Variants in TACR1 observed in about 807,000 individuals in gnomAD.
TACR1 encodes the protein substance-P receptor.
A neutral mutation model predicts 35.8 loss-of-function variants in TACR1; 25 were observed. That is an observed-to-expected ratio of 0.70 (90% CI 0.51 to 0.98). TACR1 has a LOEUF of 0.98. TACR1 is among the 50% of genes least tolerant of loss of function. The pLI, the probability that TACR1 is intolerant of heterozygous loss-of-function variation, is 0.00. For synonymous variants in TACR1, 195 were observed against 206.7 expected (o/e 0.94, Z 0.48); for missense variants, 478 against 522.9 (o/e 0.91, Z 0.84).
chr2:75,170,012 A>T (rs1230199328), intron 1 of TACR1, among the ~76,000 whole-genome samples: 1 of 152,006 alleles, frequency 6.6e-6, no homozygotes, highest in Non-Finnish European at 1.5e-5. Flanking sequence ...CCTTTCTCTT[A>T]GCCAGACCCT....
chr2:75,129,342 A>G (rs1674136781), intron 1 of TACR1, among the ~76,000 whole-genome samples: 1 of 152,342 alleles, frequency 6.6e-6, no homozygotes, highest in East Asian at 1.9e-4. Context: ...TTGTATTTTC[A>G]TCTTATGCAG....
intron 2 of TACR1, among the ~76,000 whole-genome samples, chr2:75,092,171 A>G (rs1182682769): frequency 6.6e-6 from 1 of 152,198 alleles, no homozygotes; most frequent in Non-Finnish European, 1.5e-5. Context: ...GAGGGTTTAT[A>G]TCACATACAC....
intron 1 of TACR1, among the ~76,000 whole-genome samples, chr2:75,169,754 A>G (rs1313316435): frequency 1.3e-5 from 2 of 152,192 alleles, no homozygotes; most frequent in African/African-American, 2.4e-5. Context: ...TTGTAATTTT[A>G]TGATAGCTAT....
intron 1 of TACR1, among the ~76,000 whole-genome samples, chr2:75,142,084 G>A (rs1050265424): frequency 6.6e-5 from 10 of 152,206 alleles, no homozygotes; most frequent in African/African-American, 2.4e-4. Flanking sequence ...CAGAGTTCAG[G>A]GTAGTTAATG....
At chr2:75,100,012 A>G (rs921599031) in intron 2 of TACR1, among the ~76,000 whole-genome samples, 7 of 152,086 alleles carry the variant, frequency 4.6e-5, no homozygotes, top group Non-Finnish European at 5.9e-5. Flanking sequence ...GTGATCCTAC[A>G]ATACTCTTTA....
rs550291442 is a variant in TACR1 at position 75,149,355 on chromosome 2, G to A, written c.390-28587C>T. Among the ~76,000 whole-genome samples the A allele has an allele frequency of 2.0e-5, 3 of 152,268 alleles. No individual in the cohort carries two copies. In the South Asian group the frequency reaches 6.2e-4, roughly 32 times the overall value. Reference sequence around the variant, plus strand: ...GCAGTATGACCATTTTCACAATATTGATTCTTCCTACCCATGAGGATGGGA... The same window carrying A: ...GCAGTATGACCATTTTCACAATATTAATTCTTCCTACCCATGAGGATGGGA... On this transcript the variant is annotated intron_variant, in intron 1 of 4. Transcript: ENST00000305249.
chr2:75,190,163 T>C (rs1467316034), intron 1 of TACR1, among the ~76,000 whole-genome samples: 2 of 152,194 alleles, frequency 1.3e-5, no homozygotes, highest in East Asian at 3.8e-4. Flanking sequence ...CAATTAAAAC[T>C]CACGCAGCTA....
chr2:75,076,703 G>A (rs1672987208), intron 2 of TACR1, among the ~76,000 whole-genome samples: 1 of 152,096 alleles, frequency 6.6e-6, no homozygotes, highest in Non-Finnish European at 1.5e-5. Flanking sequence ...TGGTTTTCTG[G>A]ACCTGACAAT....
intron 2 of TACR1, among the ~76,000 whole-genome samples, chr2:75,118,644 A>C (rs1673909231): frequency 6.6e-6 from 1 of 152,232 alleles, no homozygotes; most frequent in Non-Finnish European, 1.5e-5. Context: ...ATTAATCTTT[A>C]TTTCCAAGTT....
intron 1 of TACR1, among the ~76,000 whole-genome samples, chr2:75,172,594 A>C (rs1675316300): frequency 6.6e-6 from 1 of 152,018 alleles, no homozygotes; most frequent in South Asian, 2.1e-4. Context: ...GTACCCTAGA[A>C]GTTGTAGCTC....
In TACR1 at chr2:75,115,084, C is replaced by CGTGTGTGTGT. The variant is rs3079164; in HGVS notation, c.584+5480_584+5489dup. 1.1e-3 allele frequency among the ~76,000 whole-genome samples: 161 copies of CGTGTGTGTGT among 148,774 alleles called. 1 individual carries two copies. Among genetic ancestry groups the CGTGTGTGTGT allele is most frequent in the South Asian group, 8.0e-3 (37 of 4,606 alleles). Reference sequence around the variant, plus strand: ...TCAAAGGAGGGGATTTGTTAACATACGTGTGTGTGTGTGTGTGTGTGTGTG... The same window carrying CGTGTGTGTGT: ...TCAAAGGAGGGGATTTGTTAACATACGTGTGTGTGTGTGTGTGTGTGTGTGTGTGTGTGTG... On this transcript the variant is annotated intron_variant, in intron 2 of 4. Coordinates refer to ENST00000305249, the MANE Select transcript of TACR1 (RefSeq NM_001058.4).
At chr2:75,186,627 T>C (rs1675710563) in intron 1 of TACR1, among the ~76,000 whole-genome samples, 1 of 150,708 alleles carries the variant, frequency 6.6e-6, no homozygotes, top group East Asian at 1.9e-4. Context: ...TAATATTCAA[T>C]AGTAAGTTAT....
In TACR1 at chr2:75,049,220, G is replaced by T; in HGVS notation, c.*212C>A. 1 of 571,334 alleles carries T rather than the reference G, an allele frequency of 1.8e-6. No homozygotes were observed. Among genetic ancestry groups the T allele is most frequent in the Non-Finnish European group, 3.0e-6 (1 of 328,988 alleles). 35.4% of individuals were successfully genotyped at this position (571,334 alleles called of 1,614,324 possible). A position where few individuals can be genotyped will look rare whatever the true frequency, so the allele number is the denominator to read the frequency against. On this transcript the variant is annotated 3_prime_UTR_variant, in exon 5 of 5. Coordinates refer to ENST00000305249, the MANE Select transcript of TACR1 (RefSeq NM_001058.4). ...CAGGCTCAGCAAAGTTCAGTGATTT[G>T]GTTTGAGTCACACAGCATGAGGGTG...
chr2:75,168,281 G>A (rs1446115670), intron 1 of TACR1, among the ~76,000 whole-genome samples: 2 of 152,226 alleles, frequency 1.3e-5, no homozygotes, highest in Non-Finnish European at 2.9e-5. Context: ...CCAGGAGTCT[G>A]TGATTATGTT....
At chr2:75,137,424 T>G (rs1368832388) in intron 1 of TACR1, among the ~76,000 whole-genome samples, 4 of 151,956 alleles carry the variant, frequency 2.6e-5, no homozygotes, top group Non-Finnish European at 4.4e-5. Flanking sequence ...GATAAAATAT[T>G]TCTTAGAAAT....
chr2:75,120,858 A>G (rs1673956341), intron 1 of TACR1, 90 bp from the exon 2 acceptor site: 2 of 1,052,562 alleles, frequency 1.9e-6, no homozygotes, highest in Non-Finnish European at 2.7e-6. Context: ...AAGAAAATTC[A>G]TAGAAACCCT....
intron 2 of TACR1, among the ~76,000 whole-genome samples, chr2:75,079,626 G>A (rs1394726335): frequency 6.6e-6 from 1 of 151,482 alleles, no homozygotes; most frequent in African/African-American, 2.4e-5. Context: ...GATTTCACTT[G>A]TTCCATATTT....
chr2:75,076,659 T>G, intron 2 of TACR1, among the ~76,000 whole-genome samples: 1 of 152,132 alleles, frequency 6.6e-6, no homozygotes, highest in East Asian at 1.9e-4. Flanking sequence ...TTTGGTAACA[T>G]GGAGCCCGAG....
At chr2:75,137,565 A>G (rs1674318752) in intron 1 of TACR1, among the ~76,000 whole-genome samples, 1 of 151,702 alleles carries the variant, frequency 6.6e-6, no homozygotes, top group African/African-American at 2.4e-5. Flanking sequence ...CTCTACTAAC[A>G]ACACAAAATC....
Sources: allele counts gnomAD v4.1 joint callset (sites outside exome capture counted in the v4.1 genomes callset), GRCh38; gene constraint gnomAD v4.1.1; transcripts MANE v1.5; gene names NCBI Gene and HGNC (gene_info 2026-07-23, HGNC 2026-07-21).